AFG2A: variants seen among roughly 807,000 people sequenced by gnomAD.
The protein encoded by AFG2A is ATPase family gene 2 protein homolog A.
chr4:123,181,878 TACAC>T, the AFG2A span, among the ~76,000 whole-genome samples: 3 of 152,210 alleles, frequency 2.0e-5, no homozygotes, highest in African/African-American at 7.2e-5. Context: ...TAATTTTAGA[TACAC>T]ACTTTACTAC....
At chr4:123,056,701 T>C in the AFG2A span, among the ~76,000 whole-genome samples, 1 of 152,246 alleles carries the variant, frequency 6.6e-6, no homozygotes, top group East Asian at 1.9e-4. Flanking sequence ...AGCCAGCATT[T>C]CTGTTAAAAT....
chr4:123,247,599 T>TGTTTGTTTGTTC, the AFG2A span, among the ~76,000 whole-genome samples: 1 of 151,830 alleles, frequency 6.6e-6, no homozygotes, highest in Admixed American at 6.6e-5. Flanking sequence ...TTTGTTTGTT[T>TGTTTGTTTGTTC]GTTTGTTTTG....
the AFG2A span, among the ~76,000 whole-genome samples, chr4:123,298,141 G>T: frequency 6.6e-6 from 1 of 151,364 alleles, no homozygotes; most frequent in African/African-American, 2.4e-5. Flanking sequence ...ACTTGATTTG[G>T]TGCATAGGAA....
the AFG2A span, among the ~76,000 whole-genome samples, chr4:122,987,714 C>T: frequency 1.3e-5 from 2 of 152,098 alleles, no homozygotes; most frequent in Non-Finnish European, 2.9e-5. Flanking sequence ...TTTCTCCTGC[C>T]CCCATATTTT....
At chr4:123,286,663 A>C in the AFG2A span, among the ~76,000 whole-genome samples, 3 of 152,126 alleles carry the variant, frequency 2.0e-5, no homozygotes, top group Non-Finnish European at 4.4e-5. Context: ...GGGAAACATC[A>C]CTTTTTCACA....
At chr4:123,298,398 G>T in the AFG2A span, among the ~76,000 whole-genome samples, 3 of 152,152 alleles carry the variant, frequency 2.0e-5, no homozygotes, top group Non-Finnish European at 2.9e-5. Context: ...CAGCTGGTCC[G>T]CTGAGGCCCA....
At chr4:123,261,233 G>C in the AFG2A span, among the ~76,000 whole-genome samples, 1 of 152,134 alleles carries the variant, frequency 6.6e-6, no homozygotes, top group Non-Finnish European at 1.5e-5. Flanking sequence ...CTATCACCAA[G>C]TAGTCTACTA....
At chr4:123,071,412 G>T in the AFG2A span, among the ~76,000 whole-genome samples, 172 of 152,064 alleles carry the variant, frequency 1.1e-3, 1 homozygote, top group East Asian at 0.014. Flanking sequence ...CCCAGGAGGC[G>T]GAGGTTGCGA....
the AFG2A span, chr4:122,934,325 T>G: frequency 6.2e-7 from 1 of 1,614,176 alleles, no homozygotes; most frequent in East Asian, 2.2e-5. Flanking sequence ...GATACCCAGA[T>G]CCCAACATCA....
the AFG2A span, among the ~76,000 whole-genome samples, chr4:122,925,745 A>T: frequency 2.0e-5 from 3 of 152,176 alleles, no homozygotes; most frequent in South Asian, 2.1e-4. Context: ...TATTAATCTT[A>T]GTTTATTATT....
chr4:123,119,295 T>C, the AFG2A span, among the ~76,000 whole-genome samples: 1 of 152,172 alleles, frequency 6.6e-6, no homozygotes, highest in African/African-American at 2.4e-5. Context: ...AAATTTTCAT[T>C]GAATGGAATA....
chr4:122,982,864 C>CTTTTTTTTT, the AFG2A span, among the ~76,000 whole-genome samples: 10 of 93,766 alleles, frequency 1.1e-4, no homozygotes, highest in South Asian at 3.7e-4. Context: ...TAATCTTCTT[C>CTTTTTTTTT]TTTTTTTTTT....
chr4:123,125,131 A>G, the AFG2A span, among the ~76,000 whole-genome samples: 1 of 152,196 alleles, frequency 6.6e-6, no homozygotes, highest in African/African-American at 2.4e-5. Context: ...ATTTTTTATG[A>G]AATGTACATA....
At chr4:123,222,658 C>T in the AFG2A span, among the ~76,000 whole-genome samples, 1 of 152,092 alleles carries the variant, frequency 6.6e-6, no homozygotes, top group African/African-American at 2.4e-5. Context: ...CATTGCTTCA[C>T]TGAAGCATTA....
At chr4:122,981,643 A>T in the AFG2A span, among the ~76,000 whole-genome samples, 1 of 152,028 alleles carries the variant, frequency 6.6e-6, no homozygotes, top group Admixed American at 6.6e-5. Flanking sequence ...GTTAATTTTT[A>T]AAATTCATGA....
chr4:123,275,566 G>A, the AFG2A span, among the ~76,000 whole-genome samples: 30 of 152,068 alleles, frequency 2.0e-4, no homozygotes, highest in African/African-American at 6.0e-4. Context: ...ATGTCATGGG[G>A]GTTTCATGTA....
At chr4:123,096,337 G>T in the AFG2A span, among the ~76,000 whole-genome samples, 9 of 151,998 alleles carry the variant, frequency 5.9e-5, no homozygotes, top group Admixed American at 5.9e-4. Context: ...TGATGGTCTG[G>T]ATTTGCTTAG....
chr4:123,016,725 C>T, the AFG2A span, among the ~76,000 whole-genome samples: 5 of 151,880 alleles, frequency 3.3e-5, no homozygotes, highest in Admixed American at 2.0e-4. Flanking sequence ...GGGGTGGCGG[C>T]CGGGCAGAGG....
the AFG2A span, among the ~76,000 whole-genome samples, chr4:123,062,361 A>G: frequency 1.3e-5 from 2 of 152,222 alleles, no homozygotes; most frequent in Non-Finnish European, 2.9e-5. Context: ...GCTAGATAGT[A>G]TAACAATCAT....
Sources: allele counts gnomAD v4.1 joint callset (sites outside exome capture counted in the v4.1 genomes callset), GRCh38; gene constraint gnomAD v4.1.1; transcripts MANE v1.5; gene names NCBI Gene and HGNC (gene_info 2026-07-23, HGNC 2026-07-21).